CADM2: variants seen among roughly 807,000 people sequenced by gnomAD.
The protein encoded by CADM2 is immunoglobulin superfamily member 4D.
A neutral mutation model predicts 49.8 loss-of-function variants in CADM2; 12 were observed. The ratio of observed to expected loss-of-function variants is 0.24; its 90% CI spans 0.15 to 0.39. The LOEUF (loss-of-function observed/expected upper bound fraction) is 0.39, where lower values mean the gene tolerates loss of function less well. Among genes scored for constraint, CADM2 ranks in the 10% least tolerant of loss-of-function variants. The probability of loss-of-function intolerance (pLI) is 1.00; values close to 1 mark genes in which losing one functional copy is unlikely to be tolerated. For missense variants in CADM2, 378 were observed against 492.3 expected (o/e 0.77, Z 2.20); for synonymous variants, 214 against 175.4 (o/e 1.22, Z -1.74).
chr3:85,822,813 T>C (rs1372863680), intron 3 of CADM2, among the ~76,000 whole-genome samples: 1 of 152,188 alleles, frequency 6.6e-6, no homozygotes, highest in Non-Finnish European at 1.5e-5. Flanking sequence ...ATCAGTGTTC[T>C]AAAATGGTCT....
At chr3:85,522,009 A>G (rs1037901742) in intron 1 of CADM2, among the ~76,000 whole-genome samples, 1 of 152,108 alleles carries the variant, frequency 6.6e-6, no homozygotes, top group Non-Finnish European at 1.5e-5. Context: ...GGGAATGCTT[A>G]TGGGTTTGGG....
intron 3 of CADM2, among the ~76,000 whole-genome samples, chr3:85,816,578 A>G (rs769580400): frequency 4.0e-4 from 61 of 152,318 alleles, no homozygotes; most frequent in Middle Eastern, 3.4e-3. Context: ...TAATTTTAAC[A>G]TCAAGTACAA....
chr3:85,576,614 A>G (rs529291038), intron 1 of CADM2, among the ~76,000 whole-genome samples: 6 of 152,322 alleles, frequency 3.9e-5, no homozygotes, highest in Non-Finnish European at 7.3e-5. Flanking sequence ...TTCCTTTTAT[A>G]AAATCATAGC....
chr3:85,286,863 C>A (rs1451773327), intron 1 of CADM2, among the ~76,000 whole-genome samples: 1 of 151,892 alleles, frequency 6.6e-6, no homozygotes, highest in Admixed American at 6.6e-5. Flanking sequence ...TAAAAGAGAG[C>A]AAATACAAGT....
intron 1 of CADM2, among the ~76,000 whole-genome samples, chr3:85,670,732 A>G (rs1410308916): frequency 2.0e-5 from 3 of 152,222 alleles, no homozygotes; most frequent in Non-Finnish European, 2.9e-5. Context: ...TGAGATAGAG[A>G]TATATGACAC....
In CADM2 at chr3:85,551,431, G is replaced by A. The variant is rs192531972; in HGVS notation, c.62-175091G>A. 3.5e-4 allele frequency among the ~76,000 whole-genome samples: 53 copies of A among 152,036 alleles called. No homozygotes were observed. In the East Asian group the frequency reaches 8.8e-3, roughly 25 times the overall value. On this transcript the variant is annotated intron_variant, in intron 1 of 9. Coordinates refer to ENST00000383699, the MANE Select transcript of CADM2 (RefSeq NM_001167675.2). ...TTAATACTGCCCATCTATCCTGCTT[G>A]GACTGTGAGCTTCATTTAGTCAGGT...
intron 8 of CADM2, among the ~76,000 whole-genome samples, chr3:86,049,769 C>G (rs1315597347): frequency 3.9e-5 from 6 of 152,134 alleles, no homozygotes; most frequent in African/African-American, 1.4e-4. Context: ...TGAGAACTCA[C>G]TCACTATCAA....
intron 1 of CADM2, among the ~76,000 whole-genome samples, chr3:85,456,645 A>G (rs2038003750): frequency 6.6e-6 from 1 of 152,078 alleles, no homozygotes; most frequent in East Asian, 1.9e-4. Flanking sequence ...AATTACTCAA[A>G]TATAAATAAA....
intron 3 of CADM2, among the ~76,000 whole-genome samples, chr3:85,843,767 C>CTGGAGCTA (rs1327262354): frequency 6.6e-6 from 1 of 152,054 alleles, no homozygotes; most frequent in Non-Finnish European, 1.5e-5. Flanking sequence ...TCCAGGTAAA[C>CTGGAGCTA]AACAGAAGCT....
intron 1 of CADM2, among the ~76,000 whole-genome samples, chr3:85,521,727 G>T (rs2061029810): frequency 6.6e-6 from 1 of 152,100 alleles, no homozygotes. Flanking sequence ...TGAGTTTATT[G>T]AATTCGTTCA....
chr3:85,674,748 C>A (rs949078967), intron 1 of CADM2, among the ~76,000 whole-genome samples: 6 of 151,974 alleles, frequency 3.9e-5, no homozygotes, highest in Non-Finnish European at 7.4e-5. Context: ...TATTGATTTG[C>A]CTGAAAAGTT....
chr3:85,461,097 AT>A (rs2038225314), intron 1 of CADM2, among the ~76,000 whole-genome samples: 2 of 152,200 alleles, frequency 1.3e-5, no homozygotes, highest in East Asian at 3.9e-4. Context: ...AGGTACAGAG[AT>A]TTTCCTTATA....
chr3:86,029,950 C>T (rs1734362735), intron 8 of CADM2, among the ~76,000 whole-genome samples: 1 of 151,936 alleles, frequency 6.6e-6, no homozygotes, highest in Admixed American at 6.6e-5. Flanking sequence ...GGAACAGGTG[C>T]TTTCTGAAAG....
chr3:86,043,542 A>G (rs1648374349), intron 8 of CADM2, among the ~76,000 whole-genome samples: 1 of 152,200 alleles, frequency 6.6e-6, no homozygotes, highest in African/African-American at 2.4e-5. Context: ...TTCAAGGAGA[A>G]CTGCAAACCA....
At chr3:85,070,423 C>T (rs923587248) in intron 1 of CADM2, among the ~76,000 whole-genome samples, 1 of 152,070 alleles carries the variant, frequency 6.6e-6, no homozygotes, top group Non-Finnish European at 1.5e-5. Flanking sequence ...TCTAGATTGC[C>T]TGGGATTATT....
At position 84,959,601 on chromosome 3, in the gene CADM2, AG is replaced by A. The variant is rs1303830719; in HGVS notation, c.-4del. 2 of 1,537,012 alleles carry A rather than the reference AG, an allele frequency of 1.3e-6. No homozygotes were observed. Among genetic ancestry groups the A allele is most frequent in the South Asian group, 2.4e-5 (2 of 84,052 alleles). On this transcript the variant is annotated 5_prime_UTR_variant, in exon 1 of 10. Coordinates refer to ENST00000383699, the MANE Select transcript of CADM2 (RefSeq NM_001167675.2). ...CGTTCCTTCCCCAGCCCTTTAGAGAAGGGACCATGATTTGGAAACGCAGCGC... is the reference window on the plus strand; with the variant it reads ...CGTTCCTTCCCCAGCCCTTTAGAGAAGGACCATGATTTGGAAACGCAGCGC...
intron 1 of CADM2, among the ~76,000 whole-genome samples, chr3:85,594,387 A>T (rs997834393): frequency 6.6e-6 from 1 of 151,938 alleles, no homozygotes; most frequent in Non-Finnish European, 1.5e-5. Context: ...ATTGAAATAG[A>T]TGTAACAGTG....
rs1703407505 is a variant in CADM2, at chr3:86,073,788, A to G, written c.*7005A>G. 6.6e-6 allele frequency: 1 copy of G among 151,974 alleles called. No homozygotes were observed. The highest frequency in any genetic ancestry group is 6.6e-5 in the Admixed American group (1 of 15,248). The allele number at this position is 151,974 out of a possible 1,614,324, so 9.4% of individuals were successfully genotyped here. A position where few individuals can be genotyped will look rare whatever the true frequency, so the allele number is the denominator to read the frequency against. On this transcript the variant is annotated 3_prime_UTR_variant, in exon 10 of 10. Transcript: ENST00000383699. The stretch of plus-strand genomic sequence containing the variant: ...AAACATACTTCTTTATGCCAAACAC[A>G]TTATTTTGAATACCTTTTTTTCAAC...
intron 1 of CADM2, among the ~76,000 whole-genome samples, chr3:85,658,396 A>G (rs528087327): frequency 6.6e-6 from 1 of 151,742 alleles, no homozygotes; most frequent in South Asian, 2.1e-4. Context: ...AGGACTTCTA[A>G]TCTCTAGAAC....
Sources: gnomAD v4.1 joint callset for allele counts (sites outside exome capture counted in the v4.1 genomes callset) on GRCh38, gnomAD v4.1.1 for gene constraint, MANE v1.5 for transcripts, NCBI Gene and HGNC (gene_info 2026-07-23, HGNC 2026-07-21) for gene names.